SVOPL: variants seen among roughly 807,000 people sequenced by gnomAD.
SVOPL encodes the protein putative transporter SVOPL.
Under a neutral mutation model 61.0 loss-of-function variants are expected in SVOPL, and 60 were observed. The ratio of observed to expected loss-of-function variants is 0.98; its 90% confidence interval spans 0.80 to 1.22. The LOEUF is 1.22. SVOPL is among the 50% of genes most tolerant of loss of function. The probability of loss-of-function intolerance (pLI) is 0.00; values close to 1 mark genes in which losing one functional copy is unlikely to be tolerated. For synonymous variants in SVOPL, 279 were observed against 250.0 expected (o/e 1.12, Z -1.09); for missense variants, 662 against 643.9 (o/e 1.03, Z -0.30).
rs969584081 is a variant in SVOPL, at chr7:138,648,728, G to A, written c.660+284C>T. On this transcript the variant is annotated intron_variant, in intron 8 of 15. Transcript: ENST00000674285. The stretch of plus-strand genomic sequence containing the variant: ...GCCACTGCACTCCAGCCGAGGTCGC[G>A]GCACTGCACTCCAGCCTGGGGAGAC... 2.2e-4 allele frequency among the ~76,000 whole-genome samples: 33 copies of A among 150,804 alleles called. No homozygotes were observed. In the East Asian group the frequency reaches 3.8e-3, roughly 17 times the overall value.
chr7:138,612,436 T>TAAAAAAAAAAAAAAAA (rs60800575), intron 14 of SVOPL, among the ~76,000 whole-genome samples: 1 of 17,854 alleles, frequency 5.6e-5, no homozygotes, highest in Non-Finnish European at 1.1e-4. Context: ...AAATAAAAAA[T>TAAAAAAAAAAAAAAAA]AAAAAAAAAA....
At chr7:138,622,012 A>ATCTG (rs1331558318) in intron 13 of SVOPL, among the ~76,000 whole-genome samples, 60 of 139,990 alleles carry the variant, frequency 4.3e-4, no homozygotes, top group South Asian at 9.4e-4. Flanking sequence ...CTATGTATCT[A>ATCTG]TCTATGTATC....
At chr7:138,605,507 CA>C (rs1343321453) in intron 14 of SVOPL, among the ~76,000 whole-genome samples, 1 of 151,788 alleles carries the variant, frequency 6.6e-6, no homozygotes, top group African/African-American at 2.4e-5. Context: ...ACTAAAAATA[CA>C]AAAATTAGCT....
chr7:138,603,623 G>A (rs1364078973), intron 14 of SVOPL, among the ~76,000 whole-genome samples: 1 of 152,174 alleles, frequency 6.6e-6, no homozygotes, highest in East Asian at 1.9e-4. Context: ...AGTGAGCGGA[G>A]ATTGCACCAC....
At chr7:138,665,452 G>T (rs911380731) in intron 4 of SVOPL, among the ~76,000 whole-genome samples, 1 of 151,870 alleles carries the variant, frequency 6.6e-6, no homozygotes, top group Non-Finnish European at 1.5e-5. Context: ...GCAGGAAACA[G>T]TCACCTTGGG....
chr7:138,628,836 T>C (rs1358320710), intron 10 of SVOPL, among the ~76,000 whole-genome samples: 1 of 152,158 alleles, frequency 6.6e-6, no homozygotes, highest in Non-Finnish European at 1.5e-5. Context: ...ATCTGGTATA[T>C]GTTTTTGGTG....
intron 1 of SVOPL, among the ~76,000 whole-genome samples, chr7:138,679,763 T>C (rs1303156689): frequency 3.3e-5 from 5 of 152,218 alleles, no homozygotes; most frequent in Non-Finnish European, 7.3e-5. Context: ...ATGTGCTTGA[T>C]AAATGGAAGC....
At chr7:138,640,833 G>C (rs905842552) in intron 9 of SVOPL, among the ~76,000 whole-genome samples, 12 of 152,004 alleles carry the variant, frequency 7.9e-5, no homozygotes, top group Admixed American at 7.2e-4. Context: ...TGGATGACAG[G>C]ATCAATCATA....
chr7:138,671,029 T>C (rs1044133276), intron 4 of SVOPL, among the ~76,000 whole-genome samples: 1 of 152,192 alleles, frequency 6.6e-6, no homozygotes, highest in Non-Finnish European at 1.5e-5. Flanking sequence ...ATTATGTTGA[T>C]TTTGGTTATA....
chr7:138,644,276 G>C (rs1800982742), intron 9 of SVOPL, among the ~76,000 whole-genome samples: 1 of 141,592 alleles, frequency 7.1e-6, no homozygotes, highest in African/African-American at 2.6e-5. Flanking sequence ...ACTCAAAATA[G>C]ATATCAGGTC....
Position 138,621,117 on chromosome 7 carries a change from G to T in SVOPL, c.1282C>A (p.Arg428Ser), listed in dbSNP as rs564267291. The change falls in exon 14 of 16, where the codon CGC (arginine) becomes AGC (serine). Residue 428 changes from arginine to serine, a missense_variant. Arg to Ser is a moderately radical substitution (Grantham distance 110). Transcript: ENST00000674285. ...YTAEVYPTTMRALGMGTSGSL... is the reference protein window; with the variant it reads ...YTAEVYPTTMSALGMGTSGSL... ...CCGCTGGTTCCCATCCCCAAAGCGC[G>T]CATCGTGGTGGGGTAGACCTGCAGG... The T allele has an allele frequency of 5.6e-6, 9 of 1,613,606 alleles. 1 individual carries two copies. Among genetic ancestry groups the T allele is most frequent in the Non-Finnish European group, 6.8e-6 (8 of 1,179,800 alleles).
chr7:138,654,099 C>T (rs1043673071), intron 7 of SVOPL, among the ~76,000 whole-genome samples: 6 of 149,992 alleles, frequency 4.0e-5, no homozygotes, highest in Middle Eastern at 3.2e-3. Context: ...TCCCACTGCA[C>T]TCCAGCCTGG....
chr7:138,627,543 G>C (rs1799947345), intron 11 of SVOPL, 82 bp from the exon 12 acceptor site: 2 of 1,055,184 alleles, frequency 1.9e-6, no homozygotes. Context: ...ATTCATCCTT[G>C]TCGTTTCAGA....
chr7:138,603,008 G>A (rs1190963094), intron 14 of SVOPL, among the ~76,000 whole-genome samples: 1 of 151,958 alleles, frequency 6.6e-6, no homozygotes, highest in Non-Finnish European at 1.5e-5. Context: ...ACATGCATCT[G>A]TATATAATAC....
chr7:138,666,201 A>T (rs1802255533), intron 4 of SVOPL, among the ~76,000 whole-genome samples: 1 of 152,202 alleles, frequency 6.6e-6, no homozygotes, highest in South Asian at 2.1e-4. Flanking sequence ...GGATACACCT[A>T]TGGCCCGGCC....
chr7:138,678,206 T>C (rs1463074321), intron 3 of SVOPL, among the ~76,000 whole-genome samples: 2 of 151,734 alleles, frequency 1.3e-5, no homozygotes, highest in Non-Finnish European at 2.9e-5. Context: ...CTGTTTTGAA[T>C]TTGAATTGTC....
intron 14 of SVOPL, among the ~76,000 whole-genome samples, chr7:138,607,378 A>G (rs984180651): frequency 6.6e-6 from 1 of 152,336 alleles, no homozygotes; most frequent in East Asian, 1.9e-4. Flanking sequence ...ATCCACAACC[A>G]AAGAAAGAGT....
intron 14 of SVOPL, among the ~76,000 whole-genome samples, chr7:138,600,975 G>GGCGC (rs1161227629): frequency 1.1e-4 from 17 of 152,208 alleles, no homozygotes; most frequent in Non-Finnish European, 2.1e-4. Context: ...AAATAGGCCG[G>GGCGC]GCGCGGTGGC....
intron 6 of SVOPL, among the ~76,000 whole-genome samples, chr7:138,657,022 G>A (rs576778059): frequency 6.7e-6 from 1 of 150,372 alleles, no homozygotes; most frequent in African/African-American, 2.5e-5. Flanking sequence ...AGCAACAAGA[G>A]CGAAACTCCA....
Sources: gnomAD v4.1 joint callset for allele counts (sites outside exome capture counted in the v4.1 genomes callset) on GRCh38, gnomAD v4.1.1 for gene constraint, MANE v1.5 for transcripts, NCBI Gene and HGNC (gene_info 2026-07-23, HGNC 2026-07-21) for gene names.